INTS6: variants seen among roughly 807,000 people sequenced by gnomAD.
INTS6 encodes integrator complex subunit 6.
In INTS6, 16 loss-of-function variants were observed where a neutral mutation model predicts 104.9. The ratio of observed to expected loss-of-function variants is 0.15; its 90% CI spans 0.10 to 0.23. The LOEUF is 0.23. INTS6 is among the 10% of genes least tolerant of loss of function. INTS6 has a pLI of 1.00. For missense variants in INTS6, 584 were observed against 1,062.8 expected, an observed-to-expected ratio of 0.55 and a Z score of 6.26; for synonymous variants, 324 against 358.7, an observed-to-expected ratio of 0.90 and a Z score of 1.09.
chr13:51,338,957 C>T, the INTS6 span, among the ~76,000 whole-genome samples: 1 of 152,136 alleles, frequency 6.6e-6, no homozygotes, highest in African/African-American at 2.4e-5. Flanking sequence ...AATACAAGGC[C>T]TAAGTCCTTA....
In INTS6 at chr13:51,386,762, G is replaced by A. The variant is rs1291695199; in HGVS notation, c.894+624C>T. On this transcript the variant is annotated intron_variant, in intron 7 of 17. Transcript: ENST00000311234. ...ATCCCTTAATGCCCTCAGATACTTAGAAAAAAAATATGGAAAAAAAGAGTA... is the reference window on the plus strand; with the variant it reads ...ATCCCTTAATGCCCTCAGATACTTAAAAAAAAAATATGGAAAAAAAGAGTA... 4.0e-5 allele frequency among the ~76,000 whole-genome samples: 6 copies of A among 151,136 alleles called. No individual in the cohort carries two copies. In the East Asian group the frequency reaches 1.2e-3, roughly 30 times the overall value.
At chr13:51,436,896 A>G (rs975716441) in intron 3 of INTS6, 6 of 152,190 alleles carry the variant, frequency 3.9e-5, no homozygotes, top group Non-Finnish European at 8.8e-5. Flanking sequence ...AGGAGTAATT[A>G]AGCTATCAGA....
chr13:51,451,086 C>T lies in INTS6; in HGVS notation c.278G>A (p.Arg93Lys). ...EGLTTLGQSL[R>K]TAFDLLNLNR... ...TAAATTTAATAAATCAAAAGCTGTC[C>T]TTAGGGATTGGCCAAGAGTCGTAAG... The change falls in exon 3 of 18, where the codon AGG becomes AAG. Residue 93 changes from arginine to lysine, a missense_variant. Physicochemically the swap from Arg to Lys is conservative, Grantham distance 26 (BLOSUM62 2). Transcript: ENST00000311234. 6.3e-7 allele frequency: 1 copy of T among 1,587,626 alleles called. No homozygotes were observed. The highest frequency in any genetic ancestry group is 8.6e-7 in the Non-Finnish European group (1 of 1,168,708).
chr13:51,429,247 A>T (rs1323621862), intron 4 of INTS6, among the ~76,000 whole-genome samples: 1 of 152,210 alleles, frequency 6.6e-6, no homozygotes, highest in African/African-American at 2.4e-5. Context: ...TTTCCTGCTT[A>T]ATTAAACCCT....
chr13:51,350,108 G>T (rs1041953803), downstream of INTS6, among the ~76,000 whole-genome samples: 1 of 152,136 alleles, frequency 6.6e-6, no homozygotes, highest in Non-Finnish European at 1.5e-5. Flanking sequence ...TTGCTCTGCA[G>T]TCAGCAGGCA....
rs774779131 is a variant in INTS6 at position 51,389,452 on chromosome 13, T to C, written c.614-8A>G. On this transcript the variant is annotated splice_region_variant and splice_polypyrimidine_tract_variant and intron_variant, in intron 5 of 17. Coordinates refer to ENST00000311234, the MANE Select transcript of INTS6 (RefSeq NM_012141.3). Reference sequence around the variant, plus strand: ...ACACAGAATATGAACGGCCTGAGATTAAAAAAAAGAAGAAGAAGAAGAAGA... The same window carrying C: ...ACACAGAATATGAACGGCCTGAGATCAAAAAAAAGAAGAAGAAGAAGAAGA... The C allele has an allele frequency of 6.4e-7, 1 of 1,566,108 alleles. No homozygotes were observed. The highest frequency in any genetic ancestry group is 1.2e-5 in the South Asian group (1 of 84,216).
intron 5 of INTS6, among the ~76,000 whole-genome samples, chr13:51,389,938 A>T (rs2137946569): frequency 6.6e-6 from 1 of 152,196 alleles, no homozygotes; most frequent in South Asian, 2.1e-4. Context: ...GTTTACTGGC[A>T]GTTTTTAAGT....
chr13:51,428,403 C>T (rs544368144), intron 4 of INTS6, among the ~76,000 whole-genome samples: 4 of 150,800 alleles, frequency 2.7e-5, no homozygotes, highest in South Asian at 2.1e-4. Context: ...CAGCTCACTG[C>T]AACCTCCACC....
intron 3 of INTS6, chr13:51,447,835 G>C (rs1048160768): frequency 6.6e-6 from 1 of 151,358 alleles, no homozygotes; most frequent in Non-Finnish European, 1.5e-5. Context: ...AAGGTGGGCA[G>C]ATCACCTGAG....
chr13:51,348,788 T>C, the INTS6 span: 1 of 215,506 alleles, frequency 4.6e-6, no homozygotes, highest in Non-Finnish European at 9.2e-6. Context: ...TATCCCATCC[T>C]AAGAGTATAC....
chr13:51,369,047 C>T lies in INTS6; in HGVS notation c.2368G>A (p.Ala790Thr). ...KEQCAEENIP[A>T]SSLNKGKKLM... ...TTCTTTCCTTTGTTGAGTGAAGATGCTGGTATGTTCTCTTCAGCACATTGT... is the reference window on the plus strand; with the variant it reads ...TTCTTTCCTTTGTTGAGTGAAGATGTTGGTATGTTCTCTTCAGCACATTGT... The change falls in exon 16 of 18, where the codon GCA becomes ACA. Residue 790 changes from alanine to threonine, a missense_variant. Ala to Thr is a moderately conservative substitution (Grantham distance 58). Transcript: ENST00000311234. 2 of 1,613,718 alleles carry T rather than the reference C, an allele frequency of 1.2e-6. No homozygotes were observed. The highest frequency in any genetic ancestry group is 1.7e-6 in the Non-Finnish European group (2 of 1,179,794).
At chr13:51,337,008 C>A in the INTS6 span, among the ~76,000 whole-genome samples, 1 of 152,230 alleles carries the variant, frequency 6.6e-6, no homozygotes, top group Non-Finnish European at 1.5e-5. Context: ...CTCACCTGCA[C>A]CATTTCCCAT....
Position 51,452,469 on chromosome 13 carries a change from A to G in INTS6, c.57T>C (p.His19=). The G allele has an allele frequency of 6.2e-7, 1 of 1,611,752 alleles. No individual in the cohort carries two copies. Among genetic ancestry groups the G allele is most frequent in the South Asian group, 1.1e-5 (1 of 91,056 alleles). ...DTSASMNQRS[H]LGTTYLDTAK... ...CCGTGTCCAGGTAGGTGGTGCCCAG[A>G]TGGCTGCGCTGGTTCATAGAGGCAG... The change falls in exon 1 of 18, where the codon CAT becomes CAC. Residue 19 remains histidine (H), a synonymous_variant. Coordinates refer to ENST00000311234, the MANE Select transcript of INTS6 (RefSeq NM_012141.3). This position sits in a 1 kb window ranked among gnomAD's most constrained non-coding sequence, Gnocchi z 4.2.
chr13:51,337,580 G>A, the INTS6 span, among the ~76,000 whole-genome samples: 1 of 152,206 alleles, frequency 6.6e-6, no homozygotes, highest in African/African-American at 2.4e-5. Flanking sequence ...TGAAGGGCAT[G>A]TGCCTTAGTG....
chr13:51,440,395 T>G (rs1421249424), intron 3 of INTS6: 1 of 152,232 alleles, frequency 6.6e-6, no homozygotes, highest in African/African-American at 2.4e-5. Flanking sequence ...TTTAGAAGTT[T>G]ATAAAGTTAC....
chr13:51,357,421 C>T (rs1443809554), downstream of INTS6, among the ~76,000 whole-genome samples: 1 of 152,134 alleles, frequency 6.6e-6, no homozygotes, highest in African/African-American at 2.4e-5. Flanking sequence ...TCAGAAAATA[C>T]TGGCCTCTCC....
In INTS6 at chr13:51,386,347, G is replaced by A. The variant is rs960675201; in HGVS notation, c.894+1039C>T. Among the ~76,000 whole-genome samples the A allele has an allele frequency of 5.3e-5, 8 of 151,960 alleles. No individual in the cohort carries two copies. The South Asian group carries it at 6.2e-4, about 12-fold the overall frequency. On this transcript the variant is annotated intron_variant, in intron 7 of 17. Transcript: ENST00000311234. Reference sequence around the variant, plus strand: ...ACATGACAATATTTCATACAAATACGGTATCTGTTCTGTAAGAGTTGAAAG... The same window carrying A: ...ACATGACAATATTTCATACAAATACAGTATCTGTTCTGTAAGAGTTGAAAG...
intron 4 of INTS6, among the ~76,000 whole-genome samples, chr13:51,412,620 G>A (rs1956708621): frequency 6.6e-6 from 1 of 152,158 alleles, no homozygotes; most frequent in South Asian, 2.1e-4. Context: ...ACCTGTATGT[G>A]CAGCTCTCTC....
chr13:51,445,324 T>C (rs1315940006), intron 3 of INTS6: 1 of 152,164 alleles, frequency 6.6e-6, no homozygotes, highest in Admixed American at 6.5e-5. Flanking sequence ...TGGGATACAA[T>C]ACAAAGCCCA....
Sources: allele counts gnomAD v4.1 joint callset (sites outside exome capture counted in the v4.1 genomes callset), GRCh38; gene constraint gnomAD v4.1.1; non-coding constraint Gnocchi (gnomAD v3.1); transcripts MANE v1.5; gene names NCBI Gene and HGNC (gene_info 2026-07-23, HGNC 2026-07-21).